The following GNAL variants were observed in gnomAD, a reference collection of about 807,000 sequenced individuals.
GNAL encodes the protein G protein subunit alpha L.
GNAL carries 18 observed loss-of-function variants against 55.1 expected under a neutral mutation model. The ratio of observed to expected loss-of-function variants is 0.33; its 90% CI spans 0.23 to 0.48. The LOEUF (loss-of-function observed/expected upper bound fraction) is 0.48. Ranked by LOEUF, GNAL falls within the 20% of genes least tolerant of loss-of-function variation. The probability of loss-of-function intolerance (pLI) is 0.99; values close to 1 mark genes in which losing one functional copy is unlikely to be tolerated. For synonymous variants in GNAL, 253 were observed against 237.0 expected (o/e 1.07, Z -0.62); for missense variants, 412 against 614.1 (o/e 0.67, Z 3.48).
Position 11,689,776 on chromosome 18 carries a change from G to A in GNAL, c.213G>A (p.Pro71=), listed in dbSNP as rs1009415810. The A allele has an allele frequency of 6.5e-7, 1 of 1,527,778 alleles. No homozygotes were observed. The highest frequency in any genetic ancestry group is 1.2e-5 in the South Asian group (1 of 82,382). The allele number at this position is 1,527,778 out of a possible 1,614,324, so 94.6% of individuals were successfully genotyped here. ...PACARPKADK[P]KEKRQRTEQL... ...GCGCTCGGCCCAAAGCAGACAAGCC[G>A]AAGGAGAAGCGGCAGCGCACCGAGC... Residue 71 remains proline, a synonymous_variant, in exon 1 of 12, where the codon CCG becomes CCA. Transcript: ENST00000334049.
intron 1 of GNAL, among the ~76,000 whole-genome samples, chr18:11,700,890 A>G (rs2031551059): frequency 6.6e-6 from 1 of 152,258 alleles, no homozygotes; most frequent in African/African-American, 2.4e-5. Context: ...ATAAGGCGCA[A>G]TGATACCCAT....
intron 4 of GNAL, among the ~76,000 whole-genome samples, chr18:11,762,615 C>A: frequency 6.6e-6 from 1 of 152,290 alleles, no homozygotes; most frequent in Non-Finnish European, 1.5e-5. Context: ...GTGGGTGGCA[C>A]CTTCCCTGCA....
intron 1 of GNAL, among the ~76,000 whole-genome samples, chr18:11,728,970 C>T (rs925485092): frequency 2.0e-5 from 3 of 152,074 alleles, no homozygotes; most frequent in Non-Finnish European, 2.9e-5. Flanking sequence ...ATGGGATGGA[C>T]GAGTTAGTAC....
At chr18:11,692,977 C>G (rs1415664747) in intron 1 of GNAL, among the ~76,000 whole-genome samples, 1 of 151,774 alleles carries the variant, frequency 6.6e-6, no homozygotes, top group Non-Finnish European at 1.5e-5. Context: ...ATTACTTCAG[C>G]CAAAATTTTT....
intron 11 of GNAL, among the ~76,000 whole-genome samples, chr18:11,876,898 C>T (rs2036544755): frequency 1.3e-5 from 2 of 152,206 alleles, no homozygotes. Flanking sequence ...TTCCAACCAG[C>T]AGAGCCTGGG....
intron 1 of GNAL, among the ~76,000 whole-genome samples, chr18:11,699,888 T>C (rs1056630128): frequency 4.0e-4 from 61 of 152,128 alleles, no homozygotes; most frequent in African/African-American, 1.4e-3. Flanking sequence ...GGTAGCTTCA[T>C]GGATTGCCGT....
chr18:11,840,795 G>C (rs1052158655), intron 5 of GNAL, among the ~76,000 whole-genome samples: 10 of 152,156 alleles, frequency 6.6e-5, no homozygotes, highest in Admixed American at 3.9e-4. Flanking sequence ...CAGTGAGCAA[G>C]AGCCATGTTG....
chr18:11,715,474 AAAAAG>A (rs1567995706), intron 1 of GNAL, among the ~76,000 whole-genome samples: 1 of 151,704 alleles, frequency 6.6e-6, no homozygotes, highest in Non-Finnish European at 1.5e-5. Flanking sequence ...AAAAAAAAAA[AAAAAG>A]AAAAGAAAAC....
intron 4 of GNAL, among the ~76,000 whole-genome samples, chr18:11,766,623 CT>C (rs1183902029): frequency 1.3e-5 from 2 of 152,166 alleles, no homozygotes; most frequent in East Asian, 3.8e-4. Flanking sequence ...CGTAGTTAAT[CT>C]TGTTAGTATG....
At chr18:11,801,488 C>T (rs2034521492) in intron 4 of GNAL, among the ~76,000 whole-genome samples, 1 of 152,038 alleles carries the variant, frequency 6.6e-6, no homozygotes. Context: ...GGGAGGCGGA[C>T]CTTACAGGTC....
chr18:11,838,994 GT>G (rs1384773880), intron 5 of GNAL, among the ~76,000 whole-genome samples: 12 of 152,122 alleles, frequency 7.9e-5, no homozygotes, highest in Non-Finnish European at 1.6e-4. Flanking sequence ...AATATGAGAT[GT>G]TATAGCATAT....
intron 7 of GNAL, among the ~76,000 whole-genome samples, chr18:11,865,823 TTCCCATTGCATA>T (rs2036251674): frequency 6.8e-6 from 1 of 147,096 alleles, no homozygotes; most frequent in Non-Finnish European, 1.5e-5. Flanking sequence ...CCCCTTAGAA[TTCCCATTGCATA>T]TCTACTATGC....
At chr18:11,780,426 C>G (rs934805528) in intron 4 of GNAL, among the ~76,000 whole-genome samples, 2 of 151,788 alleles carry the variant, frequency 1.3e-5, no homozygotes, top group African/African-American at 4.8e-5. Context: ...TGCCAACTCT[C>G]GGTTTTAAAT....
chr18:11,691,366 T>C (rs1013516559), intron 1 of GNAL, among the ~76,000 whole-genome samples: 3 of 151,742 alleles, frequency 2.0e-5, no homozygotes, highest in Non-Finnish European at 4.4e-5. Flanking sequence ...ATTAGCCCTT[T>C]GTCAGATGAG....
chr18:11,690,461 A>ATT (rs143200662), intron 1 of GNAL, among the ~76,000 whole-genome samples: 188 of 149,862 alleles, frequency 1.3e-3, no homozygotes, highest in African/African-American at 4.4e-3. Flanking sequence ...CTGCACTTGC[A>ATT]TTTTTTTTTT....
At chr18:11,842,062 T>TC (rs938804262) in intron 5 of GNAL, among the ~76,000 whole-genome samples, 7 of 151,808 alleles carry the variant, frequency 4.6e-5, no homozygotes, top group Non-Finnish European at 7.4e-5. Context: ...AACCTTCGCC[T>TC]CCCGGGTTCA....
At chr18:11,827,974 GAAAA>G (rs561574635) in intron 5 of GNAL, among the ~76,000 whole-genome samples, 2 of 118,710 alleles carry the variant, frequency 1.7e-5, no homozygotes, top group Non-Finnish European at 3.8e-5. Context: ...CCGTCTCAAG[GAAAA>G]AAAAAAAAAA....
intron 1 of GNAL, among the ~76,000 whole-genome samples, chr18:11,700,895 A>G (rs1368484806): frequency 6.6e-6 from 1 of 152,354 alleles, no homozygotes; most frequent in East Asian, 1.9e-4. Context: ...GCGCAATGAT[A>G]CCCATTCTTT....
chr18:11,858,526 CTA>C (rs1301511081), intron 5 of GNAL, among the ~76,000 whole-genome samples: 1 of 152,034 alleles, frequency 6.6e-6, no homozygotes, highest in African/African-American at 2.4e-5. Context: ...AAAATTCTCT[CTA>C]TGTATGTAAT....
Sources: gnomAD v4.1 joint callset for allele counts (sites outside exome capture counted in the v4.1 genomes callset) on GRCh38, gnomAD v4.1.1 for gene constraint, MANE v1.5 for transcripts, NCBI Gene and HGNC (gene_info 2026-07-23, HGNC 2026-07-21) for gene names.